The following VGLL4 variants were observed in gnomAD, a reference collection of about 807,000 sequenced individuals.
The protein encoded by VGLL4 is vestigial like family member 4.
In VGLL4, 7 loss-of-function variants were observed where a neutral mutation model predicts 21.0. The ratio of observed to expected loss-of-function variants is 0.33; its 90% confidence interval spans 0.19 to 0.63. The LOEUF (loss-of-function observed/expected upper bound fraction) is 0.63, where lower values mean the gene tolerates loss of function less well. VGLL4 is among the 20% of genes least tolerant of loss of function. The probability of loss-of-function intolerance (pLI) is 0.78; values close to 1 mark genes in which losing one functional copy is unlikely to be tolerated. For missense variants in VGLL4, 394 were observed against 425.7 expected (o/e 0.93, Z 0.66); for synonymous variants, 222 against 173.2 (o/e 1.28, Z -2.21).
chr3:11,633,688 G>A (rs915295467), intron 1 of VGLL4: 2 of 152,064 alleles, frequency 1.3e-5, no homozygotes, highest in Non-Finnish European at 2.9e-5. Flanking sequence ...AAAAAAAGAT[G>A]AAGAAAAGAA....
intron 2 of VGLL4, among the ~76,000 whole-genome samples, chr3:11,652,016 G>T (rs142559160): frequency 2.6e-5 from 4 of 152,184 alleles, no homozygotes; most frequent in Non-Finnish European, 5.9e-5. Flanking sequence ...ATTAAGTAGC[G>T]ACTGATCATT....
chr3:11,573,289 AAG>A (rs1352642672), intron 2 of VGLL4, among the ~76,000 whole-genome samples: 1 of 11,354 alleles, frequency 8.8e-5, no homozygotes, highest in Non-Finnish European at 1.4e-4. Flanking sequence ...GAAAGAAAGA[AAG>A]AAAGAAAGAA....
In VGLL4 at chr3:11,665,101, C is replaced by CTTTTT. The variant is rs59999510; in HGVS notation, c.64+37865_64+37869dup. Among the ~76,000 whole-genome samples the CTTTTT allele has an allele frequency of 1.8e-3, 179 of 96,958 alleles. 15 individuals are homozygous for CTTTTT. Among genetic ancestry groups the CTTTTT allele is most frequent in the African/African-American group, 4.7e-3 (96 of 20,516 alleles). The allele number at this position is 96,958 out of a possible 152,430, so 63.6% of individuals were successfully genotyped here. A position where few individuals can be genotyped will look rare whatever the true frequency, so the allele number is the denominator to read the frequency against. On this transcript the variant is annotated intron_variant, in intron 2 of 5. Transcript: ENST00000273038. The stretch of plus-strand genomic sequence containing the variant: ...AAATGAAAGCAATTTGAATATTTTT[C>CTTTTT]TTTTTTTTTTTTTTTTTTTTTTTTT...
chr3:11,661,435 T>TTTTTTTTA (rs1553740484), intron 2 of VGLL4, among the ~76,000 whole-genome samples: 3 of 148,034 alleles, frequency 2.0e-5, no homozygotes, highest in Non-Finnish European at 4.5e-5. Context: ...ACATTTTTCC[T>TTTTTTTTA]TTTATTTATT....
rs546798181 is a variant in VGLL4 at position 11,602,467 on chromosome 3, T to A, written c.83-445A>T. ...GTTCTGTTTTTTTTTTCTAATATAG[T>A]CTTGGTATTTAATTTCTTTTAAAAG... On this transcript the variant is annotated intron_variant, in intron 1 of 4. Transcript: ENST00000430365. Among the ~76,000 whole-genome samples, 6 of 152,118 alleles carry A rather than the reference T, an allele frequency of 3.9e-5. No individual in the cohort carries two copies. The South Asian group carries it at 1.2e-3, about 32-fold the overall frequency.
chr3:11,573,228 CAG>C (rs1491311656), intron 2 of VGLL4, among the ~76,000 whole-genome samples: 1 of 128,542 alleles, frequency 7.8e-6, no homozygotes, highest in Non-Finnish European at 1.6e-5. Context: ...GAAAGACAGA[CAG>C]AAAGAAAAGA....
intron 2 of VGLL4, among the ~76,000 whole-genome samples, chr3:11,593,264 G>C (rs1033691124): frequency 4.6e-5 from 7 of 152,144 alleles, no homozygotes; most frequent in African/African-American, 1.7e-4. Context: ...AAGAGGGTAT[G>C]ATCATGTTGC....
At chr3:11,620,874 T>C (rs1251113590) in intron 1 of VGLL4, among the ~76,000 whole-genome samples, 2 of 152,170 alleles carry the variant, frequency 1.3e-5, no homozygotes, top group Non-Finnish European at 2.9e-5. Flanking sequence ...TCTTGTAAGA[T>C]AGCTAGTACT....
intron 2 of VGLL4, among the ~76,000 whole-genome samples, chr3:11,572,207 G>C (rs1361161715): frequency 6.6e-6 from 1 of 152,154 alleles, no homozygotes; most frequent in African/African-American, 2.4e-5. Context: ...TCATATGCTA[G>C]ACCTCATCTT....
In VGLL4 at chr3:11,558,738, C is replaced by T. The variant is rs147755206; in HGVS notation, c.709G>A (p.Val237Met). 6.3e-5 allele frequency: 102 copies of T among 1,614,094 alleles called. 1 individual carries two copies. The highest frequency in any genetic ancestry group is 6.3e-4 in the South Asian group (57 of 91,092). ...TCGTCCACGGAGCCCGTGATGGACA[C>T]GGAGTTGGGTGCCGGCTCGGGCTCC... ...YKEPEPAPNSVSITGSVDDHF... is the reference protein window; with the variant it reads ...YKEPEPAPNSMSITGSVDDHF... The change falls in exon 5 of 5, where the codon GTG becomes ATG. Residue 237 changes from valine (V) to methionine (M), a missense_variant. Val to Met is a conservative substitution (Grantham distance 21, BLOSUM62 1). Coordinates refer to ENST00000430365, the MANE Select transcript of VGLL4 (RefSeq NM_001128219.3).
intron 1 of VGLL4, among the ~76,000 whole-genome samples, chr3:11,636,960 C>T (rs2075599996): frequency 6.6e-6 from 1 of 151,360 alleles, no homozygotes; most frequent in South Asian, 2.1e-4. Flanking sequence ...GCTGGCTTCA[C>T]ATGGAGAAAA....
At chr3:11,645,983 C>T (rs1410469894), upstream of VGLL4, among the ~76,000 whole-genome samples, 1 of 151,954 alleles carries the variant, frequency 6.6e-6, no homozygotes, top group Non-Finnish European at 1.5e-5. Flanking sequence ...AAAAACAAAA[C>T]AAAACAAAAA....
chr3:11,590,663 A>AGT (rs10592668), intron 2 of VGLL4, among the ~76,000 whole-genome samples: 2,989 of 147,218 alleles, frequency 0.02, 40 homozygotes, highest in East Asian at 0.038. Flanking sequence ...CAAAATGAAG[A>AGT]GTGTGTGTGT....
At chr3:11,637,913 A>G (rs763696880) in intron 1 of VGLL4, among the ~76,000 whole-genome samples, 11 of 152,252 alleles carry the variant, frequency 7.2e-5, no homozygotes, top group Non-Finnish European at 1.3e-4. Context: ...CTTAAAAAAC[A>G]GTTGCCATGA....
At position 11,604,591 on chromosome 3, in the gene VGLL4, A is replaced by G; in HGVS notation, c.83-2569T>C. ...TGGTGGGGTTAAAATTATTTTTGTAAAACTGAAGCAGACATTTGTTCTGGG... is the reference window on the plus strand; with the variant it reads ...TGGTGGGGTTAAAATTATTTTTGTAGAACTGAAGCAGACATTTGTTCTGGG... On this transcript the variant is annotated intron_variant, in intron 1 of 4. Transcript: ENST00000430365. 2.3e-6 allele frequency: 2 copies of G among 876,950 alleles called. 1 individual carries two copies. Among genetic ancestry groups the G allele is most frequent in the Non-Finnish European group, 2.7e-6 (2 of 737,284 alleles). 54.3% of individuals were successfully genotyped at this position (876,950 alleles called of 1,614,324 possible).
chr3:11,677,546 A>T (rs953639075), intron 2 of VGLL4, among the ~76,000 whole-genome samples: 5 of 152,152 alleles, frequency 3.3e-5, no homozygotes, highest in Non-Finnish European at 7.4e-5. Flanking sequence ...AAGTCCTGAG[A>T]CCACAGACAT....
intron 1 of VGLL4, among the ~76,000 whole-genome samples, chr3:11,613,954 AGTGG>A (rs1241969203): frequency 6.6e-6 from 1 of 152,300 alleles, no homozygotes; most frequent in East Asian, 1.9e-4. Context: ...AGCCTGGGTG[AGTGG>A]GTGCTCCGAA....
chr3:11,674,212 C>A (rs995978384), intron 2 of VGLL4, among the ~76,000 whole-genome samples: 1 of 152,072 alleles, frequency 6.6e-6, no homozygotes, highest in Non-Finnish European at 1.5e-5. Context: ...TTATCTCCCA[C>A]ACACTCTTTG....
intron 1 of VGLL4, among the ~76,000 whole-genome samples, chr3:11,709,360 C>T (rs893741745): frequency 1.3e-5 from 2 of 150,212 alleles, no homozygotes; most frequent in Non-Finnish European, 2.9e-5. Flanking sequence ...TAGCTTGAAC[C>T]TGAGAGGCGG....
Sources: allele counts gnomAD v4.1 joint callset (sites outside exome capture counted in the v4.1 genomes callset), GRCh38; gene constraint gnomAD v4.1.1; transcripts MANE v1.5; gene names NCBI Gene and HGNC (gene_info 2026-07-23, HGNC 2026-07-21).